Variants in NDUFAF2 observed in about 807,000 individuals in gnomAD.
NDUFAF2 encodes the protein NADH dehydrogenase [ubiquinone] 1 alpha subcomplex assembly factor 2.
NDUFAF2 carries 13 observed loss-of-function variants against 22.8 expected under a neutral mutation model. The observed-to-expected ratio is 0.57, with a 90% CI of 0.37 to 0.91. NDUFAF2 has a LOEUF of 0.91. NDUFAF2 is among the 40% of genes least tolerant of loss of function. The pLI is 0.01. For synonymous variants in NDUFAF2, 53 were observed against 64.2 expected (o/e 0.83, Z 0.84); for missense variants, 162 against 195.2 (o/e 0.83, Z 1.01).
intron 3 of NDUFAF2, chr5:61,115,306 G>A (rs1451455925): frequency 6.6e-6 from 1 of 152,198 alleles, no homozygotes; most frequent in Non-Finnish European, 1.5e-5. Flanking sequence ...CTCCCTTCAG[G>A]GCAGTGGGCT....
intron 1 of NDUFAF2, among the ~76,000 whole-genome samples, chr5:61,000,853 A>T (rs1369750095): frequency 1.3e-5 from 2 of 152,188 alleles, no homozygotes; most frequent in African/African-American, 4.8e-5. Context: ...TTAGTATAAG[A>T]CTAATTACAG....
At chr5:61,002,955 T>A (rs1751316635) in intron 1 of NDUFAF2, among the ~76,000 whole-genome samples, 1 of 152,162 alleles carries the variant, frequency 6.6e-6, no homozygotes, top group Non-Finnish European at 1.5e-5. Flanking sequence ...GAGAGGATTC[T>A]TTTTTACAGC....
chr5:61,112,221 T>C (rs1486648206), intron 3 of NDUFAF2, among the ~76,000 whole-genome samples: 135 of 57,188 alleles, frequency 2.4e-3, no homozygotes, highest in East Asian at 6.8e-3. Context: ...CCCCCCCCCT[T>C]TTTTTTTTTT....
intron 3 of NDUFAF2, among the ~76,000 whole-genome samples, chr5:61,126,773 G>C (rs1561572852): frequency 6.6e-6 from 1 of 151,566 alleles, no homozygotes; most frequent in Admixed American, 6.6e-5. Flanking sequence ...AGTTGCCTCT[G>C]AATTTAAGAA....
At chr5:61,125,321 A>T (rs935072050) in intron 3 of NDUFAF2, among the ~76,000 whole-genome samples, 1 of 151,840 alleles carries the variant, frequency 6.6e-6, no homozygotes, top group Non-Finnish European at 1.5e-5. Flanking sequence ...CTCTTTTCTT[A>T]TGCACTGTAT....
intron 3 of NDUFAF2, among the ~76,000 whole-genome samples, chr5:61,133,025 A>G (rs571280464): frequency 7.2e-5 from 11 of 152,244 alleles, no homozygotes; most frequent in African/African-American, 1.9e-4. Context: ...CATTTTAAGT[A>G]AGGGGCACTT....
At chr5:60,997,872 A>T (rs1017425387) in intron 1 of NDUFAF2, among the ~76,000 whole-genome samples, 10 of 152,170 alleles carry the variant, frequency 6.6e-5, no homozygotes, top group African/African-American at 2.4e-4. Context: ...AGGTATTACC[A>T]TCTTGGGGAA....
intron 2 of NDUFAF2, among the ~76,000 whole-genome samples, chr5:61,087,248 A>G (rs1752515464): frequency 6.6e-6 from 1 of 152,196 alleles, no homozygotes. Context: ...ACAAGCCATG[A>G]GAAGAAGCCC....
intron 2 of NDUFAF2, among the ~76,000 whole-genome samples, chr5:61,089,088 A>T (rs979697948): frequency 6.6e-6 from 1 of 152,084 alleles, no homozygotes. Flanking sequence ...TTCTTGCTTG[A>T]TTCTTCTAGT....
chr5:60,999,263 C>CAAATGT (rs1223874673), intron 1 of NDUFAF2, among the ~76,000 whole-genome samples: 88 of 152,086 alleles, frequency 5.8e-4, no homozygotes, highest in African/African-American at 2.0e-3. Context: ...TGCCTGTACA[C>CAAATGT]AAATGTTCGT....
chr5:60,949,687 G>C (rs1010862274), intron 1 of NDUFAF2, among the ~76,000 whole-genome samples: 1 of 152,300 alleles, frequency 6.6e-6, no homozygotes, highest in South Asian at 2.1e-4. Context: ...TAGCATTTAA[G>C]AGAATGGGAT....
chr5:60,995,360 G>A lies in NDUFAF2; in HGVS notation c.127+49978G>A, dbSNP rs534269133. ...TTCTAGATATTTGAAAGGACTTGGT[G>A]TTGTGTTCTAAGCTGTATCTGCTTT... On this transcript the variant is annotated intron_variant, in intron 1 of 3. Coordinates refer to ENST00000296597, the MANE Select transcript of NDUFAF2 (RefSeq NM_174889.5). 3.8e-4 allele frequency among the ~76,000 whole-genome samples: 58 copies of A among 152,302 alleles called. 2 individuals are homozygous for A. The South Asian group carries it at 8.5e-3, about 22-fold the overall frequency.
chr5:61,015,037 G>T (rs1395861016), intron 1 of NDUFAF2, among the ~76,000 whole-genome samples: 2 of 151,954 alleles, frequency 1.3e-5, no homozygotes, highest in Non-Finnish European at 2.9e-5. Flanking sequence ...CCTTTTTCTT[G>T]TTTGTTACCT....
intron 1 of NDUFAF2, among the ~76,000 whole-genome samples, chr5:60,982,346 A>C (rs1435825278): frequency 1.3e-5 from 2 of 152,144 alleles, no homozygotes; most frequent in African/African-American, 4.8e-5. Context: ...GGATGGCAGC[A>C]GGCAAAAAAG....
rs769579395 is a variant in NDUFAF2, at chr5:61,073,193, G to A, written c.196G>A (p.Asp66Asn). Residue 66 changes from aspartate (D) to asparagine (N), a missense_variant, in exon 2 of 4, where the codon GAT becomes AAT. This residue lies in a region of NDUFAF2 where 94 missense variants were observed against 85.2 expected (regional missense o/e 1.10). Coordinates refer to ENST00000296597, the MANE Select transcript of NDUFAF2 (RefSeq NM_174889.5). ...AAAAGAAGTAGACTATGAAGCAGGG[G>A]ATATTCCAACAGAATGGGAAGGTAA... ...NKKEVDYEAG[D>N]IPTEWEAWIR... is the part of the protein sequence containing the mutation. The A allele has an allele frequency of 1.2e-6, 2 of 1,612,450 alleles. No homozygotes were observed. The highest frequency in any genetic ancestry group is 2.7e-5 in the African/African-American group (2 of 74,888).
Position 61,134,946 on chromosome 5 carries a change from C to G in NDUFAF2, c.259-17758C>G, listed in dbSNP as rs112207027. 7.8e-3 allele frequency among the ~76,000 whole-genome samples: 1,190 copies of G among 151,902 alleles called. 15 individuals are homozygous for G. The highest frequency in any genetic ancestry group is 0.027 in the African/African-American group (1,116 of 41,452). ...TTCCAAGGACAAAAAGAAAGGAATACAAAGAAATCCTCAACTATATTTAAT... is the reference window on the plus strand; with the variant it reads ...TTCCAAGGACAAAAAGAAAGGAATAGAAAGAAATCCTCAACTATATTTAAT... On this transcript the variant is annotated intron_variant, in intron 3 of 3. Transcript: ENST00000296597.
intron 3 of NDUFAF2, among the ~76,000 whole-genome samples, chr5:61,117,060 G>A (rs949118743): frequency 2.1e-4 from 32 of 152,210 alleles, no homozygotes; most frequent in African/African-American, 7.2e-4. Context: ...AACTATACTA[G>A]GGTATTAGGG....
chr5:61,040,291 C>CGT (rs1159307984), intron 1 of NDUFAF2, among the ~76,000 whole-genome samples: 3 of 83,888 alleles, frequency 3.6e-5, no homozygotes, highest in East Asian at 5.1e-4. Context: ...CACACACGCG[C>CGT]GCGCGCGCGC....
intron 1 of NDUFAF2, among the ~76,000 whole-genome samples, chr5:61,031,898 A>C (rs2112610060): frequency 6.6e-6 from 1 of 152,234 alleles, no homozygotes; most frequent in South Asian, 2.1e-4. Flanking sequence ...TTGTTTCCTG[A>C]CTTTTTAATG....
Sources: allele counts gnomAD v4.1 joint callset (sites outside exome capture counted in the v4.1 genomes callset), GRCh38; gene constraint gnomAD v4.1.1; regional missense constraint gnomAD v4.1.1; transcripts MANE v1.5; gene names NCBI Gene and HGNC (gene_info 2026-07-23, HGNC 2026-07-21).